Variants in RANBP9 observed in about 807,000 individuals in gnomAD.
RANBP9 encodes ran-binding protein 9.
RANBP9 carries 15 observed loss-of-function variants against 84.3 expected under a neutral mutation model. The ratio of observed to expected loss-of-function variants is 0.18; its 90% CI spans 0.12 to 0.27. The LOEUF is 0.27. Ranked by LOEUF, RANBP9 falls within the 10% of genes least tolerant of loss-of-function variation. The probability of loss-of-function intolerance (pLI) is 1.00; values close to 1 mark genes in which losing one functional copy is unlikely to be tolerated. For missense variants in RANBP9, 809 were observed against 912.8 expected, an observed-to-expected ratio of 0.89 and a Z score of 1.46; for synonymous variants, 392 against 349.6, an observed-to-expected ratio of 1.12 and a Z score of -1.35.
At chr6:13,670,862 T>C (rs750459406) in intron 2 of RANBP9, among the ~76,000 whole-genome samples, 1 of 149,896 alleles carries the variant, frequency 6.7e-6, no homozygotes, top group African/African-American at 2.4e-5. Context: ...ATTTTTGTGA[T>C]TTAAAGGATA....
chr6:13,658,645 T>C, intron 3 of RANBP9, 135 bp downstream of exon 3: 2 of 800,730 alleles, frequency 2.5e-6, no homozygotes, highest in Non-Finnish European at 2.0e-6. Context: ...CCACTCAGCT[T>C]TCACTTAAAA....
chr6:13,664,070 A>T (rs1472672325), intron 2 of RANBP9, among the ~76,000 whole-genome samples: 2 of 152,150 alleles, frequency 1.3e-5, no homozygotes, highest in Non-Finnish European at 2.9e-5. Flanking sequence ...TAAAAATCAA[A>T]AAGAAATAAA....
chr6:13,640,190 C>T (rs1036921035), intron 8 of RANBP9, among the ~76,000 whole-genome samples: 12 of 152,134 alleles, frequency 7.9e-5, no homozygotes, highest in Middle Eastern at 3.2e-3. Flanking sequence ...AAATGGGCCT[C>T]ATTTAAAATT....
chr6:13,692,557 CAAAAA>C (rs796111799), intron 2 of RANBP9, among the ~76,000 whole-genome samples: 1 of 86,484 alleles, frequency 1.2e-5, no homozygotes, highest in African/African-American at 4.4e-5. Context: ...AAAAAAAACA[CAAAAA>C]ACAAAAAGGC....
chr6:13,643,835 T>C (rs3846911), intron 6 of RANBP9, among the ~76,000 whole-genome samples: 3,034 of 152,268 alleles, frequency 0.02, 49 homozygotes, highest in Non-Finnish European at 0.032. Context: ...CAGATGATAA[T>C]AGCTCCAGGG....
At chr6:13,690,057 A>T (rs1269493604) in intron 2 of RANBP9, among the ~76,000 whole-genome samples, 1 of 152,114 alleles carries the variant, frequency 6.6e-6, no homozygotes, top group Non-Finnish European at 1.5e-5. Context: ...TTCATAAAAA[A>T]ACATCGCCCA....
chr6:13,694,014 G>C (rs1766385315), intron 2 of RANBP9, among the ~76,000 whole-genome samples: 1 of 152,144 alleles, frequency 6.6e-6, no homozygotes, highest in South Asian at 2.1e-4. Flanking sequence ...CTGTACTCCA[G>C]CCTGGGTGAC....
At chr6:13,663,994 T>A (rs1014550936) in intron 2 of RANBP9, among the ~76,000 whole-genome samples, 1 of 152,072 alleles carries the variant, frequency 6.6e-6, no homozygotes, top group African/African-American at 2.4e-5. Context: ...TGCTCACCAC[T>A]CGTATTCAAC....
chr6:13,690,992 C>T (rs1042581447), intron 2 of RANBP9, among the ~76,000 whole-genome samples: 2 of 151,892 alleles, frequency 1.3e-5, no homozygotes, highest in African/African-American at 4.8e-5. Flanking sequence ...CATGGTGAAA[C>T]CCCATCTCTC....
chr6:13,667,190 C>T (rs1765670368), intron 2 of RANBP9, among the ~76,000 whole-genome samples: 1 of 152,148 alleles, frequency 6.6e-6, no homozygotes, highest in South Asian at 2.1e-4. Flanking sequence ...AATGTTTGTG[C>T]CTAACATACA....
At position 13,705,733 on chromosome 6, in the gene RANBP9, G is replaced by A. The variant is rs917374396; in HGVS notation, c.571+5202C>T. Among the ~76,000 whole-genome samples, 6 of 151,864 alleles carry A rather than the reference G, an allele frequency of 4.0e-5. No homozygotes were observed. The South Asian group carries it at 6.2e-4, about 16-fold the overall frequency. On this transcript the variant is annotated intron_variant, in intron 1 of 13. Coordinates refer to ENST00000011619, the MANE Select transcript of RANBP9 (RefSeq NM_005493.3). Reference sequence around the variant, plus strand: ...AAGAAATTAGCCAGGCGTGGTGGCAGGCGCATGTAGTCCCAGCTACTGGGG... The same window carrying A: ...AAGAAATTAGCCAGGCGTGGTGGCAAGCGCATGTAGTCCCAGCTACTGGGG...
intron 2 of RANBP9, among the ~76,000 whole-genome samples, chr6:13,689,779 T>C (rs1047945121): frequency 3.9e-5 from 6 of 152,198 alleles, no homozygotes; most frequent in African/African-American, 1.4e-4. Flanking sequence ...TGTATAAATA[T>C]TTCCTTGAGC....
chr6:13,633,027 T>C (rs1247892925), intron 11 of RANBP9, among the ~76,000 whole-genome samples: 1 of 151,960 alleles, frequency 6.6e-6, no homozygotes, highest in Non-Finnish European at 1.5e-5. Context: ...AATACCACTT[T>C]GAAAAAATAA....
Position 13,632,528 on chromosome 6 carries a change from G to C in RANBP9, c.1796-7C>G. 6.2e-7 allele frequency: 1 copy of C among 1,608,250 alleles called. No homozygotes were observed. The highest frequency in any genetic ancestry group is 8.5e-7 in the Non-Finnish European group (1 of 1,175,472). On this transcript the variant is annotated splice_region_variant and splice_polypyrimidine_tract_variant and intron_variant, in intron 11 of 13. Transcript: ENST00000011619. ...AACTGACTTGAATCAACTTCTGTAA[G>C]AAAAACAGACAAGTATTTTACTACC...
rs184684897 is a variant in RANBP9, at chr6:13,692,362, A to G, written c.683+4423T>C. Reference sequence around the variant, plus strand: ...ACCAGCTTGGCCAACATGGCAAAACACACTAAAAGCACAAAATAAGCTGGC... The same window carrying G: ...ACCAGCTTGGCCAACATGGCAAAACGCACTAAAAGCACAAAATAAGCTGGC... On this transcript the variant is annotated intron_variant, in intron 2 of 13. Coordinates refer to ENST00000011619, the MANE Select transcript of RANBP9 (RefSeq NM_005493.3). Among the ~76,000 whole-genome samples the G allele has an allele frequency of 3.6e-3, 535 of 149,634 alleles. 10 individuals carry two copies. The highest frequency in any genetic ancestry group is 1.3e-3 in the Non-Finnish European group (90 of 67,354).
At chr6:13,648,633 G>A (rs1354339914) in intron 5 of RANBP9, among the ~76,000 whole-genome samples, 1 of 152,140 alleles carries the variant, frequency 6.6e-6, no homozygotes, top group African/African-American at 2.4e-5. Flanking sequence ...TTTCAATCTA[G>A]AAATTGCTTA....
intron 12 of RANBP9, among the ~76,000 whole-genome samples, chr6:13,630,670 T>C (rs1764753849): frequency 6.6e-6 from 1 of 152,180 alleles, no homozygotes; most frequent in South Asian, 2.1e-4. Flanking sequence ...CTTGCCCTTT[T>C]CTCTTTCATT....
In RANBP9 at chr6:13,686,062, C is replaced by A. The variant is rs533447327; in HGVS notation, c.683+10723G>T. 6.0e-5 allele frequency among the ~76,000 whole-genome samples: 8 copies of A among 132,344 alleles called. No individual in the cohort carries two copies. The South Asian group carries it at 1.8e-3, about 29-fold the overall frequency. The allele number at this position is 132,344 out of a possible 152,430, so 86.8% of individuals were successfully genotyped here. A position where few individuals can be genotyped will look rare whatever the true frequency, so the allele number is the denominator to read the frequency against. On this transcript the variant is annotated intron_variant, in intron 2 of 13. Transcript: ENST00000011619. ...TTTAGTTTTCTCCCTTACATTTTTT[C>A]TGTACTTTTTTTTCTTTCCTGAATT... is the stretch of plus-strand genomic sequence containing the variant.
chr6:13,666,600 C>CAAAAAAAAAAAAA (rs70989878), intron 2 of RANBP9, among the ~76,000 whole-genome samples: 614 of 43,744 alleles, frequency 0.014, 55 homozygotes, highest in Non-Finnish European at 0.021. Context: ...CCCGTCTCTC[C>CAAAAAAAAAAAAA]AAAAAAAAAA....
Sources: allele counts gnomAD v4.1 joint callset (sites outside exome capture counted in the v4.1 genomes callset), GRCh38; gene constraint gnomAD v4.1.1; transcripts MANE v1.5; gene names NCBI Gene and HGNC (gene_info 2026-07-23, HGNC 2026-07-21).